CPA6: variants seen among roughly 807,000 people sequenced by gnomAD.
CPA6 encodes carboxypeptidase A6.
A neutral mutation model predicts 63.3 loss-of-function variants in CPA6; 58 were observed. That is an observed-to-expected ratio of 0.92 (90% CI 0.74 to 1.14). The LOEUF is 1.14. Ranked by LOEUF, CPA6 falls within the 50% of genes most tolerant of loss-of-function variation. The pLI, the probability that CPA6 is intolerant of heterozygous loss-of-function variation, is 0.00. For synonymous variants in CPA6, 185 were observed against 179.0 expected, an observed-to-expected ratio of 1.03 and a Z score of -0.27; for missense variants, 565 against 526.6, an observed-to-expected ratio of 1.07 and a Z score of -0.71.
chr8:67,685,122 G>A (rs1207853696), intron 1 of CPA6, among the ~76,000 whole-genome samples: 1 of 152,066 alleles, frequency 6.6e-6, no homozygotes, highest in Non-Finnish European at 1.5e-5. Context: ...AAGTATCATC[G>A]AATAATTTTT....
intron 2 of CPA6, among the ~76,000 whole-genome samples, chr8:67,604,582 T>G (rs537556828): frequency 6.6e-6 from 1 of 152,326 alleles, no homozygotes; most frequent in East Asian, 1.9e-4. Flanking sequence ...AATATGAAGT[T>G]TCTTGAGGAC....
chr8:67,523,389 C>T (rs978846998), intron 2 of CPA6, among the ~76,000 whole-genome samples: 12 of 151,902 alleles, frequency 7.9e-5, no homozygotes, highest in African/African-American at 2.9e-4. Flanking sequence ...ATTAGCCAGG[C>T]GTGGTGGTGG....
intron 8 of CPA6, among the ~76,000 whole-genome samples, chr8:67,434,653 C>A (rs912328150): frequency 7.2e-5 from 11 of 152,228 alleles, no homozygotes; most frequent in Non-Finnish European, 1.0e-4. Flanking sequence ...CCCGCTGGAG[C>A]CCTAGTGGCT....
intron 1 of CPA6, among the ~76,000 whole-genome samples, chr8:67,642,743 TG>T (rs898301807): frequency 3.3e-5 from 5 of 151,012 alleles, no homozygotes; most frequent in African/African-American, 7.4e-5. Context: ...TAAATAGAAC[TG>T]GAACAACTAC....
At chr8:67,716,686 T>C (rs1817389091) in intron 1 of CPA6, among the ~76,000 whole-genome samples, 1 of 152,236 alleles carries the variant, frequency 6.6e-6, no homozygotes, top group Admixed American at 6.5e-5. Context: ...GCTTCTTTTA[T>C]TTTTAAATCT....
intron 1 of CPA6, among the ~76,000 whole-genome samples, chr8:67,642,824 C>CACACACACACAT (rs1815625780): frequency 6.6e-6 from 1 of 151,598 alleles, no homozygotes; most frequent in African/African-American, 2.4e-5. Context: ...CACACACACA[C>CACACACACACAT]TCCAAGTCAA....
intron 6 of CPA6, among the ~76,000 whole-genome samples, chr8:67,505,524 T>A (rs1811909611): frequency 6.6e-6 from 1 of 152,208 alleles, no homozygotes; most frequent in Non-Finnish European, 1.5e-5. Context: ...TCTTTTTTTT[T>A]AACCTGAAAT....
intron 2 of CPA6, among the ~76,000 whole-genome samples, chr8:67,595,690 G>A (rs1015251707): frequency 6.6e-6 from 1 of 152,218 alleles, no homozygotes; most frequent in African/African-American, 2.4e-5. Context: ...TCCGAGCCAG[G>A]TGCGGGATAT....
Position 67,609,749 on chromosome 8 carries a change from C to T in CPA6, c.192+14427G>A, listed in dbSNP as rs910372020. Among the ~76,000 whole-genome samples the T allele has an allele frequency of 1.1e-4, 17 of 152,156 alleles. No homozygotes were observed. The South Asian group carries it at 1.7e-3, about 15-fold the overall frequency. On this transcript the variant is annotated intron_variant, in intron 2 of 10. Transcript: ENST00000297770. The stretch of plus-strand genomic sequence containing the variant: ...TTAAAATAGAAATACTGGTCGGGCA[C>T]GGTGGCTCATGCCTGTAATCCCAGC...
chr8:67,628,257 C>T (rs1815238831), intron 1 of CPA6, among the ~76,000 whole-genome samples: 1 of 152,036 alleles, frequency 6.6e-6, no homozygotes, highest in Non-Finnish European at 1.5e-5. Flanking sequence ...GGTTTGACAC[C>T]TCCCATATTG....
chr8:67,552,697 C>T (rs896454862), intron 2 of CPA6, among the ~76,000 whole-genome samples: 3 of 136,260 alleles, frequency 2.2e-5, no homozygotes, highest in Non-Finnish European at 3.1e-5. Context: ...GGCATGAACC[C>T]GGGAGGCAGA....
intron 1 of CPA6, among the ~76,000 whole-genome samples, chr8:67,719,981 G>A (rs1451769289): frequency 6.6e-6 from 1 of 152,146 alleles, no homozygotes; most frequent in Non-Finnish European, 1.5e-5. Context: ...GCGCGTCCGT[G>A]TGAAGAGACC....
chr8:67,734,402 A>C (rs1324806678), intron 1 of CPA6, among the ~76,000 whole-genome samples: 1 of 152,100 alleles, frequency 6.6e-6, no homozygotes, highest in African/African-American at 2.4e-5. Flanking sequence ...AAGCAGACTA[A>C]ATTTCTCTCC....
At chr8:67,713,275 C>T (rs913910328) in intron 1 of CPA6, among the ~76,000 whole-genome samples, 10 of 151,634 alleles carry the variant, frequency 6.6e-5, no homozygotes, top group Admixed American at 4.0e-4. Flanking sequence ...AGACCACAGT[C>T]GATCTCAGGT....
intron 6 of CPA6, among the ~76,000 whole-genome samples, chr8:67,495,144 T>C (rs1811683175): frequency 6.6e-6 from 1 of 151,746 alleles, no homozygotes; most frequent in Non-Finnish European, 1.5e-5. Flanking sequence ...TGTAGTGTAG[T>C]GTTGGGTACT....
At chr8:67,590,402 C>T (rs1814085484) in intron 2 of CPA6, among the ~76,000 whole-genome samples, 1 of 151,360 alleles carries the variant, frequency 6.6e-6, no homozygotes. Flanking sequence ...TGGGTATATA[C>T]CCAGTAATGG....
chr8:67,437,648 A>T (rs193096391), intron 8 of CPA6, among the ~76,000 whole-genome samples: 2 of 152,338 alleles, frequency 1.3e-5, no homozygotes, highest in African/African-American at 4.8e-5. Flanking sequence ...GTTATAAAAA[A>T]GGACCAACCA....
intron 1 of CPA6, among the ~76,000 whole-genome samples, chr8:67,691,146 A>T (rs996260934): frequency 6.6e-6 from 1 of 152,242 alleles, no homozygotes; most frequent in Admixed American, 6.5e-5. Flanking sequence ...GAGGAAATTC[A>T]CACAAGAACC....
intron 8 of CPA6, among the ~76,000 whole-genome samples, chr8:67,479,072 C>G (rs1262496970): frequency 2.6e-5 from 4 of 152,130 alleles, no homozygotes; most frequent in Non-Finnish European, 5.9e-5. Context: ...AGCACCCTAG[C>G]ATGCTAATTA....
Sources: allele counts gnomAD v4.1 joint callset (sites outside exome capture counted in the v4.1 genomes callset), GRCh38; gene constraint gnomAD v4.1.1; transcripts MANE v1.5; gene names NCBI Gene and HGNC (gene_info 2026-07-23, HGNC 2026-07-21).